The following TENM2 variants were observed in gnomAD, a reference collection of about 807,000 sequenced individuals.
TENM2 encodes the protein teneurin-2.
Under a neutral mutation model 245.2 loss-of-function variants are expected in TENM2, and 52 were observed. That is an observed-to-expected ratio of 0.21 (90% confidence interval 0.17 to 0.27). The LOEUF is 0.27. TENM2 is among the 10% of genes least tolerant of loss of function. TENM2 has a pLI of 1.00. For missense variants in TENM2, 3,046 were observed against 3,666.8 expected (o/e 0.83, Z 4.37); for synonymous variants, 1,363 against 1,438.9 (o/e 0.95, Z 1.19).
chr5:167,015,020 C>T, the TENM2 span, among the ~76,000 whole-genome samples: 1 of 152,174 alleles, frequency 6.6e-6, no homozygotes, highest in African/African-American at 2.4e-5. Context: ...TGTTCTCTAG[C>T]TCTAACAGAA....
At chr5:167,796,279 T>G (rs1765310409) in intron 2 of TENM2, among the ~76,000 whole-genome samples, 1 of 152,180 alleles carries the variant, frequency 6.6e-6, no homozygotes, top group Admixed American at 6.5e-5. Context: ...AAAACACCTT[T>G]TATGCAATTG....
intron 13 of TENM2, among the ~76,000 whole-genome samples, chr5:168,183,341 T>A (rs1760092988): frequency 6.6e-6 from 1 of 152,070 alleles, no homozygotes; most frequent in South Asian, 2.1e-4. Flanking sequence ...ACCTGCTGAT[T>A]TGGGGTGACT....
intron 3 of TENM2, among the ~76,000 whole-genome samples, chr5:167,914,828 G>T (rs560335709): frequency 6.6e-6 from 1 of 152,174 alleles, no homozygotes; most frequent in East Asian, 1.9e-4. Context: ...GTGGTCACAC[G>T]GTGCTCTCCC....
intron 2 of TENM2, among the ~76,000 whole-genome samples, chr5:167,640,868 T>TATATATATAG (rs1779532398): frequency 2.9e-5 from 1 of 34,826 alleles, no homozygotes; most frequent in Non-Finnish European, 4.5e-5. Flanking sequence ...TCCATATATA[T>TATATATATAG]ATATATATAT....
chr5:167,894,998 G>A lies in TENM2; in HGVS notation c.712+18803G>A, dbSNP rs1775096275. Among the ~76,000 whole-genome samples, 4 of 122,810 alleles carry A rather than the reference G, an allele frequency of 3.3e-5. No individual in the cohort carries two copies. In the South Asian group the frequency reaches 1.3e-3, roughly 39 times the overall value. 80.6% of individuals were successfully genotyped at this position (122,810 alleles called of 152,430 possible). A position where few individuals can be genotyped will look rare whatever the true frequency, so the allele number is the denominator to read the frequency against. ...GGAAGGAAGGAAGGAAGGAGGGAAG[G>A]AAGGAAGGAAGGGAGGGAGGGAGGG... On this transcript the variant is annotated intron_variant, in intron 3 of 28. Coordinates refer to ENST00000518659, the Ensembl canonical transcript of TENM2.
At chr5:168,090,336 G>A (rs1253301170) in intron 7 of TENM2, among the ~76,000 whole-genome samples, 2 of 151,976 alleles carry the variant, frequency 1.3e-5, no homozygotes, top group African/African-American at 2.4e-5. Flanking sequence ...ACAGACAAGA[G>A]ATTGTGGCCT....
chr5:168,137,614 A>G (rs927271850), intron 12 of TENM2, among the ~76,000 whole-genome samples: 1 of 152,222 alleles, frequency 6.6e-6, no homozygotes, highest in African/African-American at 2.4e-5. Flanking sequence ...GGGCAAGGAG[A>G]TTGTTTCCCT....
At chr5:168,223,258 T>C (rs1296014881) in intron 23 of TENM2, among the ~76,000 whole-genome samples, 4 of 152,156 alleles carry the variant, frequency 2.6e-5, no homozygotes, top group South Asian at 2.1e-4. Context: ...AGCCTATGCA[T>C]TGTAAGTGTC....
the TENM2 span, among the ~76,000 whole-genome samples, chr5:167,162,124 A>G: frequency 6.6e-6 from 1 of 151,246 alleles, no homozygotes; most frequent in Non-Finnish European, 1.5e-5. Context: ...GTGAGCTGAG[A>G]TCACACCACT....
At chr5:167,757,801 G>T (rs531834969) in intron 2 of TENM2, among the ~76,000 whole-genome samples, 2 of 152,144 alleles carry the variant, frequency 1.3e-5, no homozygotes, top group South Asian at 2.1e-4. Context: ...GCATGAGATG[G>T]TATCTCATTG....
At position 167,957,142 on chromosome 5, in the gene TENM2, C is replaced by G. The variant is rs559262746; in HGVS notation, c.947+4320C>G. Among the ~76,000 whole-genome samples the G allele has an allele frequency of 1.9e-3, 289 of 152,160 alleles. 2 individuals carry two copies. Among genetic ancestry groups the G allele is most frequent in the South Asian group, 0.011 (54 of 4,812 alleles). ...GTTGGTAGGCTATTAATTACTGCCTCAATTTCAGAAATTATTATTGGTCTA... is the reference window on the plus strand; with the variant it reads ...GTTGGTAGGCTATTAATTACTGCCTGAATTTCAGAAATTATTATTGGTCTA... On this transcript the variant is annotated intron_variant, in intron 4 of 28. Coordinates refer to ENST00000518659, the Ensembl canonical transcript of TENM2.
intron 2 of TENM2, among the ~76,000 whole-genome samples, chr5:167,586,898 G>A (rs1373850494): frequency 6.6e-6 from 1 of 152,036 alleles, no homozygotes; most frequent in Non-Finnish European, 1.5e-5. Context: ...TTTAACTTGG[G>A]TTTATTTTTC....
At chr5:167,599,875 G>A (rs1582502572) in intron 2 of TENM2, among the ~76,000 whole-genome samples, 3 of 151,864 alleles carry the variant, frequency 2.0e-5, no homozygotes, top group Admixed American at 1.3e-4. Flanking sequence ...GGCTGGGCGC[G>A]GTGGCTCACA....
At chr5:168,029,993 C>T (rs1011871776) in intron 5 of TENM2, among the ~76,000 whole-genome samples, 1 of 152,004 alleles carries the variant, frequency 6.6e-6, no homozygotes, top group Non-Finnish European at 1.5e-5. Flanking sequence ...AGCATTCATA[C>T]AAGAGGCACT....
intron 24 of TENM2, among the ~76,000 whole-genome samples, chr5:168,227,544 GC>G (rs1240239874): frequency 6.9e-6 from 1 of 144,472 alleles, no homozygotes; most frequent in Non-Finnish European, 1.5e-5. Flanking sequence ...CCTGGTATAA[GC>G]TAAAATATAT....
chr5:167,417,692 A>G (rs922476356), intron 2 of TENM2, among the ~76,000 whole-genome samples: 1 of 152,104 alleles, frequency 6.6e-6, no homozygotes, highest in Non-Finnish European at 1.5e-5. Flanking sequence ...AAAGAAACAG[A>G]GGTGTGAAAC....
exon 17 of TENM2, chr5:168,199,964 C>T: frequency 1.9e-6 from 3 of 1,614,002 alleles, no homozygotes; most frequent in Non-Finnish European, 2.5e-6. Context: ...ATCACCATGA[C>T]CCAGTCCACA....
intron 1 of TENM2, among the ~76,000 whole-genome samples, chr5:167,359,178 G>A (rs559568728): frequency 6.6e-6 from 1 of 152,134 alleles, no homozygotes; most frequent in East Asian, 1.9e-4. Context: ...CCAAAACAAT[G>A]CAATGGCTAT....
At chr5:168,245,572 TAAAAA>T (rs35630506) in intron 26 of TENM2, among the ~76,000 whole-genome samples, 2 of 120,076 alleles carry the variant, frequency 1.7e-5, no homozygotes, top group Non-Finnish European at 1.7e-5. Context: ...GGAGTGGCGG[TAAAAA>T]AAAAAAAAAA....
Sources: gnomAD v4.1 joint callset for allele counts (sites outside exome capture counted in the v4.1 genomes callset) on GRCh38, gnomAD v4.1.1 for gene constraint, MANE v1.5 for transcripts, NCBI Gene and HGNC (gene_info 2026-07-23, HGNC 2026-07-21) for gene names.